ROCK2: variants seen among roughly 807,000 people sequenced by gnomAD.
The protein encoded by ROCK2 is rho-associated protein kinase 2.
In ROCK2, 61 loss-of-function variants were observed where a neutral mutation model predicts 195.1. The ratio of observed to expected loss-of-function variants is 0.31; its 90% confidence interval spans 0.25 to 0.39. The LOEUF (loss-of-function observed/expected upper bound fraction) is 0.39, where lower values mean the gene tolerates loss of function less well. Among genes scored for constraint, ROCK2 ranks in the 10% least tolerant of loss-of-function variants. The pLI, the probability that ROCK2 is intolerant of heterozygous loss-of-function variation, is 1.00. For synonymous variants in ROCK2, 504 were observed against 545.5 expected, an observed-to-expected ratio of 0.92 and a Z score of 1.06; for missense variants, 1,109 against 1,637.4, an observed-to-expected ratio of 0.68 and a Z score of 5.57.
At chr2:11,314,344 A>C (rs1388367670) in intron 1 of ROCK2, among the ~76,000 whole-genome samples, 1 of 151,896 alleles carries the variant, frequency 6.6e-6, no homozygotes, top group Non-Finnish European at 1.5e-5. Context: ...AAAGAAACTG[A>C]CTGCATTGCA....
rs753236263 is a variant in ROCK2 at position 11,197,389 on chromosome 2, A to G, written c.3280-41T>C. The G allele has an allele frequency of 6.3e-7, 1 of 1,579,290 alleles. No homozygotes were observed. Among genetic ancestry groups the G allele is most frequent in the Non-Finnish European group, 8.7e-7 (1 of 1,155,700 alleles). The stretch of plus-strand genomic sequence containing the variant: ...TTACAATAAGTTAATTGGATGCAAC[A>G]TAACTCAACATTTTGCTTCTTGGTT... On this transcript the variant is annotated intron_variant, in intron 26 of 32. Coordinates refer to ENST00000315872, the MANE Select transcript of ROCK2 (RefSeq NM_004850.5). The surrounding 1 kb of genome is among the most constrained non-coding windows in gnomAD (Gnocchi z 4.9).
Position 11,189,658 on chromosome 2 carries a change from G to A in ROCK2, c.4163+2490C>T, listed in dbSNP as rs1171558931. On this transcript the variant is annotated intron_variant, in intron 32 of 32. Coordinates refer to ENST00000315872, the MANE Select transcript of ROCK2 (RefSeq NM_004850.5). ...TTCTCATCTATATACCATTCAATTTGTATAAGTGACTCTTAAAATGTGACA... is the reference window on the plus strand; with the variant it reads ...TTCTCATCTATATACCATTCAATTTATATAAGTGACTCTTAAAATGTGACA... Among the ~76,000 whole-genome samples, 3 of 152,012 alleles carry A rather than the reference G, an allele frequency of 2.0e-5. 1 individual carries two copies. Among genetic ancestry groups the A allele is most frequent in the African/African-American group, 7.3e-5 (3 of 41,370 alleles).
chr2:11,339,542 C>CAAAAAAAAAAAAAAAAAAA (rs11309296), intron 1 of ROCK2, among the ~76,000 whole-genome samples: 1 of 145,030 alleles, frequency 6.9e-6, no homozygotes. Context: ...AAAAAAAAAA[C>CAAAAAAAAAAAAAAAAAAA]AAAAAAAAAA....
intron 1 of ROCK2, among the ~76,000 whole-genome samples, chr2:11,290,357 G>A (rs948137821): frequency 2.0e-5 from 3 of 152,078 alleles, no homozygotes; most frequent in Admixed American, 6.6e-5. Context: ...CCAGCTACTC[G>A]GGAAGCTGAA....
chr2:11,240,689 G>A (rs74865005), intron 4 of ROCK2, among the ~76,000 whole-genome samples: 345 of 152,240 alleles, frequency 2.3e-3, no homozygotes, highest in African/African-American at 7.9e-3. Flanking sequence ...AGATGGTAGT[G>A]GTGGTTCCAC....
At chr2:11,216,010 T>A in intron 13 of ROCK2, 148 bp downstream of exon 13, 1 of 650,522 alleles carries the variant, frequency 1.5e-6, no homozygotes, top group Non-Finnish European at 2.7e-6. Flanking sequence ...TATAACATGA[T>A]TTCCCTATAA....
At chr2:11,248,934 T>C (rs928346446) in intron 4 of ROCK2, among the ~76,000 whole-genome samples, 3 of 151,972 alleles carry the variant, frequency 2.0e-5, no homozygotes, top group African/African-American at 7.2e-5. Flanking sequence ...TCTTGCTCTG[T>C]TGCCAGGCTG....
At position 11,217,251 on chromosome 2, in the gene ROCK2, A is replaced by G. The variant is rs1392622074; in HGVS notation, c.1333-82T>C. On this transcript the variant is annotated intron_variant, in intron 11 of 32. Transcript: ENST00000315872. Reference sequence around the variant, plus strand: ...GCTTAAAGAAAACAATGATAAGCTTATTTTGTCTTTCCACTAAACATAATG... The same window carrying G: ...GCTTAAAGAAAACAATGATAAGCTTGTTTTGTCTTTCCACTAAACATAATG... 1.3e-5 allele frequency: 10 copies of G among 773,306 alleles called. No individual in the cohort carries two copies. The East Asian group carries it at 2.3e-4, about 18-fold the overall frequency. 47.9% of individuals were successfully genotyped at this position (773,306 alleles called of 1,614,324 possible).
intron 18 of ROCK2, among the ~76,000 whole-genome samples, chr2:11,209,507 C>A (rs1489684182): frequency 1.3e-5 from 2 of 152,190 alleles, no homozygotes; most frequent in East Asian, 3.8e-4. Flanking sequence ...AGAAAATTTA[C>A]AAAATAGTAT....
chr2:11,280,503 C>T (rs1299260131), intron 3 of ROCK2, among the ~76,000 whole-genome samples: 1 of 151,344 alleles, frequency 6.6e-6, no homozygotes, highest in South Asian at 2.1e-4. Context: ...TGGTGGTGCA[C>T]ACCTGTAGTC....
intron 30 of ROCK2, among the ~76,000 whole-genome samples, chr2:11,193,019 T>C (rs1308840582): frequency 6.6e-6 from 1 of 152,168 alleles, no homozygotes; most frequent in Non-Finnish European, 1.5e-5. Flanking sequence ...AAAAGGTAAC[T>C]TCATAGGTGT....
rs1669210561 is a variant in ROCK2, at chr2:11,344,307, C to T, written c.-171G>A. Reference sequence around the variant, plus strand: ...GCGGTCCCCCGCCTGGGGGCTGCTCCCAGGGGCCCGCCCGGCCCAGCCCGG... The same window carrying T: ...GCGGTCCCCCGCCTGGGGGCTGCTCTCAGGGGCCCGCCCGGCCCAGCCCGG... On this transcript the variant is annotated 5_prime_UTR_variant, in exon 1 of 33. Transcript: ENST00000315872. The surrounding 1 kb of genome is among the most constrained non-coding windows in gnomAD (Gnocchi z 5.4). 1 of 1,231,146 alleles carries T rather than the reference C, an allele frequency of 8.1e-7. No homozygotes were observed. Among genetic ancestry groups the T allele is most frequent in the Admixed American group, 4.4e-5 (1 of 22,604 alleles). The allele number at this position is 1,231,146 out of a possible 1,614,324, so 76.3% of individuals were successfully genotyped here.
At chr2:11,285,026 G>T (rs1166148658) in intron 3 of ROCK2, among the ~76,000 whole-genome samples, 1 of 152,284 alleles carries the variant, frequency 6.6e-6, no homozygotes, top group East Asian at 1.9e-4. Context: ...ATTTTGGGAG[G>T]CCGAGGCAGG....
chr2:11,339,647 T>C (rs1353171481), intron 1 of ROCK2, among the ~76,000 whole-genome samples: 1 of 152,016 alleles, frequency 6.6e-6, no homozygotes, highest in African/African-American at 2.4e-5. Context: ...TTAGTGAATC[T>C]TAGAAACACC....
intron 1 of ROCK2, 53 bp downstream of exon 1, chr2:11,343,943 G>C (rs1669194185): frequency 1.3e-6 from 2 of 1,551,344 alleles, no homozygotes; most frequent in Non-Finnish European, 8.7e-7. Flanking sequence ...GGGCGGAGAG[G>C]GGATCTGAGG....
chr2:11,200,058 T>C (rs1181249101), intron 23 of ROCK2, among the ~76,000 whole-genome samples: 1 of 152,218 alleles, frequency 6.6e-6, no homozygotes, highest in Non-Finnish European at 1.5e-5. Context: ...AAAGTTGTTT[T>C]ACCTAGGCTT....
chr2:11,179,792 A>AT lies in ROCK2; in HGVS notation c.*3644dup, dbSNP rs960846856. ...CTTATGTCTCCATTTATTTTATTTT[A>AT]TTTTTTTATAAAAAAGCAGGCATAA... is the stretch of plus-strand genomic sequence containing the variant. On this transcript the variant is annotated 3_prime_UTR_variant, in exon 33 of 33. Coordinates refer to ENST00000315872, the MANE Select transcript of ROCK2 (RefSeq NM_004850.5). The AT allele has an allele frequency of 3.3e-5, 5 of 152,062 alleles. No homozygotes were observed. The highest frequency in any genetic ancestry group is 6.6e-5 in the Admixed American group (1 of 15,266). 9.4% of individuals were successfully genotyped at this position (152,062 alleles called of 1,614,324 possible).
At chr2:11,233,146 T>G (rs2148099447) in intron 5 of ROCK2, among the ~76,000 whole-genome samples, 2 of 152,302 alleles carry the variant, frequency 1.3e-5, no homozygotes, top group Admixed American at 1.3e-4. Context: ...CCCAGGGGTT[T>G]CGGGCTACAG....
chr2:11,286,301 CT>C, intron 3 of ROCK2, among the ~76,000 whole-genome samples: 1 of 145,192 alleles, frequency 6.9e-6, no homozygotes. Flanking sequence ...ATAGTAACTG[CT>C]AGGCAGATCA....
Sources: allele counts gnomAD v4.1 joint callset (sites outside exome capture counted in the v4.1 genomes callset), GRCh38; gene constraint gnomAD v4.1.1; non-coding constraint Gnocchi (gnomAD v3.1); transcripts MANE v1.5; gene names NCBI Gene and HGNC (gene_info 2026-07-23, HGNC 2026-07-21).